Variants in ERICH5 observed in about 807,000 individuals in gnomAD.
ERICH5 encodes the protein glutamate rich 5, also known as glutamate-rich protein 5.
Under a neutral mutation model 28.0 loss-of-function variants are expected in ERICH5, and 24 were observed. The observed-to-expected ratio is 0.86, with a 90% confidence interval of 0.62 to 1.21. ERICH5 has a LOEUF of 1.21. ERICH5 is among the 50% of genes most tolerant of loss of function. The pLI, the probability that ERICH5 is intolerant of heterozygous loss-of-function variation, is 0.00. For synonymous variants in ERICH5, 163 were observed against 157.6 expected (o/e 1.03, Z -0.25); for missense variants, 421 against 441.2 (o/e 0.95, Z 0.41).
At chr8:98,065,517 C>T (rs763142281) in intron 1 of ERICH5, among the ~76,000 whole-genome samples, 2 of 152,202 alleles carry the variant, frequency 1.3e-5, no homozygotes, top group Admixed American at 6.5e-5. Flanking sequence ...GCTGGAGATA[C>T]AAGTGACCCT....
At chr8:98,082,522 A>G (rs988358718) in intron 1 of ERICH5, among the ~76,000 whole-genome samples, 3 of 151,802 alleles carry the variant, frequency 2.0e-5, no homozygotes, top group Non-Finnish European at 4.4e-5. Flanking sequence ...GCGCATGCCT[A>G]TAGTCCCAGC....
intron 1 of ERICH5, among the ~76,000 whole-genome samples, chr8:98,066,028 T>G (rs1390431612): frequency 6.6e-6 from 1 of 152,142 alleles, no homozygotes; most frequent in African/African-American, 2.4e-5. Context: ...AAACAAAAAA[T>G]TAAAAGCATT....
At chr8:98,083,906 G>C (rs1815225288) in intron 1 of ERICH5, among the ~76,000 whole-genome samples, 1 of 152,186 alleles carries the variant, frequency 6.6e-6, no homozygotes, top group African/African-American at 2.4e-5. Flanking sequence ...TTTAGAGACA[G>C]GGTCTCACTC....
At chr8:98,090,684 TGAG>T (rs766970344) in intron 2 of ERICH5, among the ~76,000 whole-genome samples, 1 of 152,010 alleles carries the variant, frequency 6.6e-6, no homozygotes, top group Non-Finnish European at 1.5e-5. Context: ...AAAATCTGTA[TGAG>T]AAGACCAGAG....
chr8:98,075,657 G>A (rs372527462), intron 1 of ERICH5, among the ~76,000 whole-genome samples: 2 of 151,106 alleles, frequency 1.3e-5, no homozygotes, highest in Non-Finnish European at 2.9e-5. Flanking sequence ...GGCTTTCAGG[G>A]TGCACAGAGC....
At chr8:98,066,834 C>A (rs1031438538) in intron 1 of ERICH5, among the ~76,000 whole-genome samples, 2 of 152,168 alleles carry the variant, frequency 1.3e-5, no homozygotes. Flanking sequence ...ATAATTCATT[C>A]CTGTTTCTGC....
intron 1 of ERICH5, among the ~76,000 whole-genome samples, chr8:98,088,167 C>T (rs1815314439): frequency 6.6e-6 from 1 of 152,122 alleles, no homozygotes; most frequent in Non-Finnish European, 1.5e-5. Flanking sequence ...ATTAAATTTT[C>T]AAGAAGTAAA....
intron 1 of ERICH5, among the ~76,000 whole-genome samples, chr8:98,084,764 C>A (rs911210885): frequency 6.6e-6 from 1 of 151,928 alleles, no homozygotes; most frequent in Non-Finnish European, 1.5e-5. Context: ...TTTTATATTT[C>A]AAAAATGATC....
At position 98,089,925 on chromosome 8, in the gene ERICH5, G is replaced by A; in HGVS notation, c.908G>A (p.Gly303Glu). The change falls in exon 2 of 3, where the codon GGA becomes GAA. Residue 303 changes from glycine (G) to glutamate (E), a missense_variant. By Grantham distance (98) the Gly-to-Glu change is moderately conservative (BLOSUM62 -2). Transcript: ENST00000318528. ...AACATGGAGCAGATTCAACCTGAAGGAATAGTTGGAAGCATGGAGCATCCA... is the reference window on the plus strand; with the variant it reads ...AACATGGAGCAGATTCAACCTGAAGAAATAGTTGGAAGCATGGAGCATCCA... Reference protein sequence around the residue: ...PGNMEQIQPEGIVGSMEHPAR... With the variant: ...PGNMEQIQPEEIVGSMEHPAR... The A allele has an allele frequency of 6.2e-7, 1 of 1,614,192 alleles. No individual in the cohort carries two copies. The highest frequency in any genetic ancestry group is 1.1e-5 in the South Asian group (1 of 91,080).
chr8:98,073,367 A>G (rs1314198179), intron 1 of ERICH5, among the ~76,000 whole-genome samples: 5 of 141,746 alleles, frequency 3.5e-5, no homozygotes, highest in African/African-American at 1.0e-4. Flanking sequence ...TCTTTAGGCC[A>G]GGAGTTCAAG....
chr8:98,088,848 T>C (rs1815326621), intron 1 of ERICH5, among the ~76,000 whole-genome samples: 1 of 151,986 alleles, frequency 6.6e-6, no homozygotes, highest in Admixed American at 6.6e-5. Flanking sequence ...AAAACTGTGG[T>C]TTTGGAGGAC....
Position 98,091,900 on chromosome 8 carries a change from C to CTTTCTTTCTTTCTTTTCTTT in ERICH5, c.1013-1321_1013-1320insTTTCTTTCTTTCTTTTCTTT. 3.5e-3 allele frequency among the ~76,000 whole-genome samples: 263 copies of CTTTCTTTCTTTCTTTTCTTT among 74,710 alleles called. 3 individuals carry two copies. The highest frequency in any genetic ancestry group is 0.014 in the East Asian group (42 of 3,042). 49.0% of individuals were successfully genotyped at this position (74,710 alleles called of 152,430 possible). On this transcript the variant is annotated intron_variant, in intron 2 of 2. Coordinates refer to ENST00000318528, the MANE Select transcript of ERICH5 (RefSeq NM_173549.3). ...TCTTTCTTTCTTTCTTTCTTTCTTT[C>CTTTCTTTCTTTCTTTTCTTT]CTTTCTTTCTTTCTTTCTTCCTTTC... is the stretch of plus-strand genomic sequence containing the variant.
chr8:98,085,256 T>G (rs1164574166), intron 1 of ERICH5, among the ~76,000 whole-genome samples: 2 of 137,352 alleles, frequency 1.5e-5, no homozygotes, highest in Non-Finnish European at 3.1e-5. Flanking sequence ...CGCCTCCCAG[T>G]TTCACGCCAT....
In ERICH5 at chr8:98,073,490, A is replaced by G. The variant is rs1225729766; in HGVS notation, c.58+8763A>G. Among the ~76,000 whole-genome samples, 12 of 2,738 alleles carry G rather than the reference A, an allele frequency of 4.4e-3. 1 individual carries two copies. The highest frequency in any genetic ancestry group is 5.4e-3 in the Non-Finnish European group (9 of 1,680). The allele number at this position is 2,738 out of a possible 152,430, so 1.8% of individuals were successfully genotyped here. A position where few individuals can be genotyped will look rare whatever the true frequency, so the allele number is the denominator to read the frequency against. On this transcript the variant is annotated intron_variant, in intron 1 of 2. Coordinates refer to ENST00000318528, the MANE Select transcript of ERICH5 (RefSeq NM_173549.3). The stretch of plus-strand genomic sequence containing the variant: ...TATATATATATATATATATATGTAT[A>G]TATATATATATATATATATATATAT...
At chr8:98,091,203 C>T (rs887557575) in intron 2 of ERICH5, among the ~76,000 whole-genome samples, 1 of 152,074 alleles carries the variant, frequency 6.6e-6, no homozygotes, top group African/African-American at 2.4e-5. Flanking sequence ...CCCAAAGTGC[C>T]GGGATTACAG....
In ERICH5 at chr8:98,089,141, C is replaced by G. The variant is rs1815333920; in HGVS notation, c.124C>G (p.His42Asp). The G allele has an allele frequency of 6.2e-7, 1 of 1,614,214 alleles. No individual in the cohort carries two copies. Among genetic ancestry groups the G allele is most frequent in the Non-Finnish European group, 8.5e-7 (1 of 1,180,040 alleles). The change falls in exon 2 of 3, where the codon CAT becomes GAT. Residue 42 changes from histidine to aspartate, a missense_variant. Physicochemically the swap from His to Asp is moderately conservative, Grantham distance 81. Transcript: ENST00000318528. ...GTCCTGCTTTGCCCAACCAAAGCCA[C>G]ATGCACTGGGAAGAGAATCTACTGT... The part of the protein sequence containing the change: ...SESCFAQPKP[H>D]ALGRESTVDG...
intron 1 of ERICH5, among the ~76,000 whole-genome samples, chr8:98,078,737 C>A (rs917643344): frequency 6.6e-6 from 1 of 152,134 alleles, no homozygotes; most frequent in African/African-American, 2.4e-5. Context: ...CAATTTACAA[C>A]AGAATCAAGG....
At chr8:98,091,900 C>CTTTCCTTTCTTTCTTTCTTTCTTT in intron 2 of ERICH5, among the ~76,000 whole-genome samples, 32 of 74,688 alleles carry the variant, frequency 4.3e-4, no homozygotes, top group South Asian at 1.8e-3. Flanking sequence ...TTCTTTCTTT[C>CTTTCCTTTCTTTCTTTCTTTCTTT]CTTTCTTTCT....
intron 1 of ERICH5, among the ~76,000 whole-genome samples, chr8:98,071,304 G>A (rs192159148): frequency 6.6e-6 from 1 of 152,226 alleles, no homozygotes; most frequent in Non-Finnish European, 1.5e-5. Context: ...TCATGCTTCT[G>A]TAAGGTGGCC....
Sources: gnomAD v4.1 joint callset for allele counts (sites outside exome capture counted in the v4.1 genomes callset) on GRCh38, gnomAD v4.1.1 for gene constraint, MANE v1.5 for transcripts, NCBI Gene and HGNC (gene_info 2026-07-23, HGNC 2026-07-21) for gene names.